The following ROBO2 variants were observed in gnomAD, a reference collection of about 807,000 sequenced individuals.
The protein encoded by ROBO2 is roundabout guidance receptor 2, also known as roundabout homolog 2.
In ROBO2, 53 loss-of-function variants were observed where a neutral mutation model predicts 160.8. The observed-to-expected ratio is 0.33, with a 90% CI of 0.26 to 0.41. The LOEUF is 0.41. Among genes scored for constraint, ROBO2 ranks in the 10% least tolerant of loss-of-function variants. ROBO2 has a pLI of 1.00. For synonymous variants in ROBO2, 664 were observed against 611.7 expected (o/e 1.09, Z -1.26); for missense variants, 1,577 against 1,722.4 (o/e 0.92, Z 1.49).
rs1191158239 is a variant in ROBO2 at position 76,487,157 on chromosome 3, T to TG, written c.109+549555_109+549556insG. On this transcript the variant is annotated intron_variant, in intron 2 of 26. Transcript: ENST00000487694. ...GCTAATTTTTTAATTTAATTTTTTT[T>TG]TTTTGTAGAGACAGTGTCTCTCTTT... is the stretch of plus-strand genomic sequence containing the variant. Among the ~76,000 whole-genome samples, 3 of 151,748 alleles carry TG rather than the reference T, an allele frequency of 2.0e-5. No homozygotes were observed. In the East Asian group the frequency reaches 5.8e-4, roughly 29 times the overall value.
At chr3:76,359,524 C>T (rs984598924) in intron 2 of ROBO2, among the ~76,000 whole-genome samples, 2 of 151,974 alleles carry the variant, frequency 1.3e-5, no homozygotes, top group Non-Finnish European at 2.9e-5. Context: ...TGAAGCTTCT[C>T]GCTGGACATG....
intron 19 of ROBO2, among the ~76,000 whole-genome samples, chr3:77,601,421 A>AT (rs1328228244): frequency 1.3e-5 from 2 of 152,216 alleles, no homozygotes; most frequent in Non-Finnish European, 2.9e-5. Flanking sequence ...GCAGTTCTGA[A>AT]TTATAAAGCA....
chr3:76,991,333 C>T (rs1347159909), intron 2 of ROBO2, among the ~76,000 whole-genome samples: 1 of 152,194 alleles, frequency 6.6e-6, no homozygotes, highest in Non-Finnish European at 1.5e-5. Context: ...TGTATTGCAA[C>T]ATTCTAAACT....
intron 1 of ROBO2, among the ~76,000 whole-genome samples, chr3:77,043,717 T>G (rs774878912): frequency 1.2e-4 from 19 of 152,180 alleles, no homozygotes; most frequent in Non-Finnish European, 2.5e-4. Flanking sequence ...TATGGGAAAT[T>G]AATATGAACT....
chr3:77,255,963 A>G (rs2058385433), intron 2 of ROBO2, among the ~76,000 whole-genome samples: 1 of 152,186 alleles, frequency 6.6e-6, no homozygotes. Context: ...ACTTCCGCTT[A>G]TACACCAGTT....
At chr3:76,916,475 G>A (rs972314243) in intron 2 of ROBO2, among the ~76,000 whole-genome samples, 2 of 151,630 alleles carry the variant, frequency 1.3e-5, no homozygotes, top group Non-Finnish European at 2.9e-5. Flanking sequence ...CCGAGCATTT[G>A]GGACTACAGG....
At position 76,416,018 on chromosome 3, in the gene ROBO2, C is replaced by A. The variant is rs183411477; in HGVS notation, c.109+478416C>A. ...AGGAAACCCACACACAAACAGCATGCAGGAGCTGATCCGTGAACTTTCCCT... is the reference window on the plus strand; with the variant it reads ...AGGAAACCCACACACAAACAGCATGAAGGAGCTGATCCGTGAACTTTCCCT... On this transcript the variant is annotated intron_variant, in intron 2 of 26. Transcript: ENST00000487694. Among the ~76,000 whole-genome samples, 503 of 152,202 alleles carry A rather than the reference C, an allele frequency of 3.3e-3. 2 individuals carry two copies. Among genetic ancestry groups the A allele is most frequent in the African/African-American group, 0.011 (475 of 41,532 alleles).
At chr3:77,212,051 A>G (rs2084247426) in intron 2 of ROBO2, among the ~76,000 whole-genome samples, 1 of 152,102 alleles carries the variant, frequency 6.6e-6, no homozygotes, top group Non-Finnish European at 1.5e-5. Flanking sequence ...TTGACTTGGC[A>G]CTGCAGGCTC....
chr3:76,033,429 G>C (rs1200923724), intron 2 of ROBO2, among the ~76,000 whole-genome samples: 1 of 152,114 alleles, frequency 6.6e-6, no homozygotes, highest in East Asian at 1.9e-4. Context: ...GTGTCCTGCT[G>C]TGCATATAGG....
intron 2 of ROBO2, among the ~76,000 whole-genome samples, chr3:76,044,073 G>A (rs1410336385): frequency 1.3e-5 from 2 of 152,074 alleles, no homozygotes; most frequent in African/African-American, 4.8e-5. Context: ...TACCTGTAAA[G>A]TTGGGAGACA....
At chr3:76,829,909 C>T (rs1435957463) in intron 2 of ROBO2, among the ~76,000 whole-genome samples, 1 of 152,144 alleles carries the variant, frequency 6.6e-6, no homozygotes, top group Non-Finnish European at 1.5e-5. Flanking sequence ...CTCAGGTGAT[C>T]CACTCGCCTC....
intron 2 of ROBO2, among the ~76,000 whole-genome samples, chr3:76,180,021 C>T (rs187312388): frequency 7.5e-4 from 114 of 152,154 alleles, no homozygotes; most frequent in African/African-American, 2.0e-3. Flanking sequence ...TCTGCTGCTC[C>T]GGCAGGGTGG....
At position 76,946,272 on chromosome 3, in the gene ROBO2, A is replaced by G. The variant is rs116638521; in HGVS notation, c.110-151742A>G. On this transcript the variant is annotated intron_variant, in intron 2 of 26. Transcript: ENST00000487694. Reference sequence around the variant, plus strand: ...TATCCCCAGTCTTGTCTGATCTCCAAAGATTAGTTTTCCTTTAATCCATTT... The same window carrying G: ...TATCCCCAGTCTTGTCTGATCTCCAGAGATTAGTTTTCCTTTAATCCATTT... Among the ~76,000 whole-genome samples the G allele has an allele frequency of 1.6e-3, 239 of 152,212 alleles. 1 individual carries two copies. The highest frequency in any genetic ancestry group is 5.2e-3 in the African/African-American group (216 of 41,554).
intron 2 of ROBO2, among the ~76,000 whole-genome samples, chr3:77,114,829 G>A (rs1184574810): frequency 2.0e-5 from 3 of 151,998 alleles, no homozygotes; most frequent in Admixed American, 2.0e-4. Context: ...AAAATGTTTT[G>A]TTAGGTGAAA....
At chr3:77,588,537 A>T (rs1418219075) in intron 16 of ROBO2, among the ~76,000 whole-genome samples, 2 of 152,090 alleles carry the variant, frequency 1.3e-5, no homozygotes, top group Non-Finnish European at 2.9e-5. Flanking sequence ...ACCACAACAC[A>T]AGAGGTCAGT....
intron 2 of ROBO2, among the ~76,000 whole-genome samples, chr3:77,112,043 C>G (rs1342825913): frequency 6.6e-6 from 1 of 151,758 alleles, no homozygotes; most frequent in Non-Finnish European, 1.5e-5. Flanking sequence ...CAAACCCCAT[C>G]TCTACAAAAA....
At chr3:75,940,748 C>T (rs754867676) in intron 2 of ROBO2, among the ~76,000 whole-genome samples, 15 of 152,076 alleles carry the variant, frequency 9.9e-5, no homozygotes, top group Non-Finnish European at 2.1e-4. Context: ...CTAAGTTCAG[C>T]ACTGACTTTG....
At chr3:76,196,792 A>G (rs1346286751) in intron 2 of ROBO2, among the ~76,000 whole-genome samples, 6 of 152,170 alleles carry the variant, frequency 3.9e-5, no homozygotes, top group Non-Finnish European at 7.3e-5. Context: ...TCATAAAGCC[A>G]TAAATCACCA....
chr3:76,926,595 A>G (rs996808577), intron 2 of ROBO2, among the ~76,000 whole-genome samples: 1 of 152,224 alleles, frequency 6.6e-6, no homozygotes, highest in African/African-American at 2.4e-5. Context: ...GTGATTGTCC[A>G]TTTGACAAAC....
Sources: allele counts gnomAD v4.1 joint callset (sites outside exome capture counted in the v4.1 genomes callset), GRCh38; gene constraint gnomAD v4.1.1; transcripts MANE v1.5; gene names NCBI Gene and HGNC (gene_info 2026-07-23, HGNC 2026-07-21).